Variants in GSG1L observed in about 807,000 individuals in gnomAD.
GSG1L encodes GSG1 like.
Under a neutral mutation model 42.1 loss-of-function variants are expected in GSG1L, and 24 were observed. The observed-to-expected ratio is 0.57, with a 90% CI of 0.41 to 0.80. The LOEUF (loss-of-function observed/expected upper bound fraction) is 0.80. Among genes scored for constraint, GSG1L ranks in the 30% least tolerant of loss-of-function variants. The probability of loss-of-function intolerance (pLI) is 0.00; values close to 1 mark genes in which losing one functional copy is unlikely to be tolerated. For synonymous variants in GSG1L, 215 were observed against 203.5 expected, an observed-to-expected ratio of 1.06 and a Z score of -0.48; for missense variants, 445 against 472.2, an observed-to-expected ratio of 0.94 and a Z score of 0.53.
intron 6 of GSG1L, among the ~76,000 whole-genome samples, chr16:27,798,149 A>G (rs112833350): frequency 9.9e-5 from 15 of 152,270 alleles, no homozygotes; most frequent in African/African-American, 3.6e-4. Context: ...CATGTAACAA[A>G]CCTGCACCTG....
chr16:27,847,382 C>G (rs1951181998), intron 3 of GSG1L, among the ~76,000 whole-genome samples: 1 of 152,250 alleles, frequency 6.6e-6, no homozygotes, highest in Admixed American at 6.5e-5. Flanking sequence ...GTGTGGTGCT[C>G]CCCAGAACTT....
chr16:27,832,666 G>A lies in GSG1L; in HGVS notation c.663-3710C>T, dbSNP rs144899237. ...TTATTTTAGCTATTCTGATAAACGCGTAATAATATCTCATTGTGGCTTTAA... is the reference window on the plus strand; with the variant it reads ...TTATTTTAGCTATTCTGATAAACGCATAATAATATCTCATTGTGGCTTTAA... On this transcript the variant is annotated intron_variant, in intron 4 of 6. Coordinates refer to ENST00000447459, the MANE Select transcript of GSG1L (RefSeq NM_001109763.2). Among the ~76,000 whole-genome samples, 208 of 152,280 alleles carry A rather than the reference G, an allele frequency of 1.4e-3. 1 individual carries two copies. The highest frequency in any genetic ancestry group is 4.7e-3 in the African/African-American group (195 of 41,558).
At chr16:27,876,577 G>A (rs1038610419) in intron 3 of GSG1L, among the ~76,000 whole-genome samples, 1 of 152,232 alleles carries the variant, frequency 6.6e-6, no homozygotes, top group Non-Finnish European at 1.5e-5. Flanking sequence ...GCCACATGCT[G>A]CCTGGCTCCT....
chr16:28,011,647 A>G lies in GSG1L; in HGVS notation c.350-48444T>C, dbSNP rs1304718151. ...TGAGAGAGACTGCTCTTTGGCCCCA[A>G]TGTCCATCTGCCTCCTCCTTCTGTG... On this transcript the variant is annotated intron_variant, in intron 1 of 6. Transcript: ENST00000447459. Among the ~76,000 whole-genome samples the G allele has an allele frequency of 3.3e-5, 5 of 152,262 alleles. No homozygotes were observed. In the East Asian group the frequency reaches 5.8e-4, roughly 18 times the overall value.
chr16:27,846,179 T>C (rs2083441443), intron 3 of GSG1L, among the ~76,000 whole-genome samples: 1 of 152,246 alleles, frequency 6.6e-6, no homozygotes, highest in Admixed American at 6.5e-5. Flanking sequence ...CCGATCTTTC[T>C]CTGTGTTCCT....
At chr16:27,994,157 A>G (rs2085488097) in intron 1 of GSG1L, among the ~76,000 whole-genome samples, 1 of 152,188 alleles carries the variant, frequency 6.6e-6, no homozygotes, top group African/African-American at 2.4e-5. Context: ...AGAGGCTGCT[A>G]CAACGGCTAC....
intron 1 of GSG1L, among the ~76,000 whole-genome samples, chr16:28,047,893 T>G (rs899771182): frequency 6.6e-6 from 1 of 152,018 alleles, no homozygotes. Context: ...TCATCCAGCT[T>G]TTGGCAGATA....
intron 2 of GSG1L, among the ~76,000 whole-genome samples, chr16:27,905,317 A>T (rs2141046214): frequency 7.3e-6 from 1 of 136,326 alleles, no homozygotes; most frequent in South Asian, 2.4e-4. Context: ...TCATGCCAGA[A>T]TCTTTTTTTT....
At position 27,933,885 on chromosome 16, in the gene GSG1L, T is replaced by C. The variant is rs144777686; in HGVS notation, c.397+29271A>G. Among the ~76,000 whole-genome samples, 28 of 152,308 alleles carry C rather than the reference T, an allele frequency of 1.8e-4. No homozygotes were observed. The East Asian group carries it at 5.4e-3, about 29-fold the overall frequency. ...TAGCTGCTCAGGGCTGGGCCCTGCA[T>C]TCAACCCTCGATCTGCTGGTAGCCA... is the stretch of plus-strand genomic sequence containing the variant. On this transcript the variant is annotated intron_variant, in intron 2 of 6. Transcript: ENST00000447459.
intron 2 of GSG1L, among the ~76,000 whole-genome samples, chr16:27,889,413 T>A (rs2084096864): frequency 6.6e-6 from 1 of 152,238 alleles, no homozygotes; most frequent in Non-Finnish European, 1.5e-5. Flanking sequence ...CTTGTCGTTA[T>A]AATTGTCACA....
intron 2 of GSG1L, among the ~76,000 whole-genome samples, chr16:27,889,182 G>A (rs1422478839): frequency 6.6e-6 from 1 of 151,954 alleles, no homozygotes; most frequent in Non-Finnish European, 1.5e-5. Context: ...TAGAGACAGG[G>A]TCTCACTATG....
chr16:27,917,971 C>G (rs1447306706), intron 2 of GSG1L, among the ~76,000 whole-genome samples: 2 of 152,086 alleles, frequency 1.3e-5, no homozygotes, highest in East Asian at 3.9e-4. Flanking sequence ...TTAGCAAATC[C>G]TTCTACTGTG....
chr16:27,937,476 G>A (rs12708707), intron 2 of GSG1L, among the ~76,000 whole-genome samples: 113,424 of 151,968 alleles, frequency 0.75, 42,661 homozygotes, highest in African/African-American at 0.81. Flanking sequence ...TCCTGACCTC[G>A]GGTGATCTGT....
intron 6 of GSG1L, among the ~76,000 whole-genome samples, chr16:27,797,050 C>A (rs1266763812): frequency 6.6e-6 from 1 of 152,140 alleles, no homozygotes; most frequent in Non-Finnish European, 1.5e-5. Context: ...ATTTAATCCT[C>A]AAAAATACGA....
chr16:27,885,657 A>G (rs1480384345), intron 2 of GSG1L, among the ~76,000 whole-genome samples: 4 of 152,232 alleles, frequency 2.6e-5, no homozygotes, highest in Non-Finnish European at 5.9e-5. Context: ...CAGTATGATT[A>G]TCTGACTTAT....
chr16:27,997,252 C>G (rs74848474), intron 1 of GSG1L, among the ~76,000 whole-genome samples: 2,682 of 151,226 alleles, frequency 0.018, 94 homozygotes, highest in African/African-American at 0.062. Flanking sequence ...CATGTCAAAT[C>G]TCCCTTCTTT....
chr16:27,979,831 A>G (rs2085305903), intron 1 of GSG1L, among the ~76,000 whole-genome samples: 1 of 151,142 alleles, frequency 6.6e-6, no homozygotes, highest in Non-Finnish European at 1.5e-5. Flanking sequence ...AGAAAGAGAG[A>G]GAGAGAGAGA....
chr16:28,041,457 GAA>G (rs975321171), intron 1 of GSG1L, among the ~76,000 whole-genome samples: 19 of 144,996 alleles, frequency 1.3e-4, no homozygotes, highest in Non-Finnish European at 2.6e-4. Flanking sequence ...CTCTCAAAAA[GAA>G]AAAAAAAAGA....
intron 1 of GSG1L, among the ~76,000 whole-genome samples, chr16:27,976,516 T>G (rs1389509518): frequency 1.3e-5 from 2 of 152,140 alleles, no homozygotes; most frequent in South Asian, 4.1e-4. Context: ...CCAGAATGTA[T>G]GGCCACAGTG....
Sources: gnomAD v4.1 joint callset for allele counts (sites outside exome capture counted in the v4.1 genomes callset) on GRCh38, gnomAD v4.1.1 for gene constraint, MANE v1.5 for transcripts, NCBI Gene and HGNC (gene_info 2026-07-23, HGNC 2026-07-21) for gene names.